KPNB1: variants seen among roughly 807,000 people sequenced by gnomAD.
The protein encoded by KPNB1 is karyopherin subunit beta 1, also known as importin subunit beta-1.
Under a neutral mutation model 113.0 loss-of-function variants are expected in KPNB1, and 7 were observed. That is an observed-to-expected ratio of 0.06 (90% CI 0.04 to 0.12). The LOEUF (loss-of-function observed/expected upper bound fraction) is 0.12. Ranked by LOEUF, KPNB1 falls within the 10% of genes least tolerant of loss-of-function variation. The pLI, the probability that KPNB1 is intolerant of heterozygous loss-of-function variation, is 1.00. For missense variants in KPNB1, 400 were observed against 1,054.8 expected (o/e 0.38, Z 8.60); for synonymous variants, 363 against 378.6 (o/e 0.96, Z 0.48).
In KPNB1 at chr17:47,684,401, G is replaced by A. The variant is rs533951545; in HGVS notation, c.*1997G>A. The A allele has an allele frequency of 6.6e-6, 1 of 151,810 alleles. No homozygotes were observed. The highest frequency in any genetic ancestry group is 1.9e-4 in the East Asian group (1 of 5,172). The allele number at this position is 151,810 out of a possible 1,614,324, so 9.4% of individuals were successfully genotyped here. On this transcript the variant is annotated 3_prime_UTR_variant, in exon 22 of 22. Transcript: ENST00000290158. Reference sequence around the variant, plus strand: ...GGAGAGACGCTCCATTGTGAATAAAGAGCTCATACCAGCTCCTAAGCCCTA... The same window carrying A: ...GGAGAGACGCTCCATTGTGAATAAAAAGCTCATACCAGCTCCTAAGCCCTA...
At chr17:47,656,079 C>T (rs974345048) in intron 3 of KPNB1, among the ~76,000 whole-genome samples, 2 of 151,946 alleles carry the variant, frequency 1.3e-5, no homozygotes, top group African/African-American at 4.8e-5. Context: ...CATGGTGAAA[C>T]CCCATCTCTA....
intron 20 of KPNB1, 40 bp downstream of exon 20, chr17:47,680,174 T>A (rs1201055489): frequency 4.5e-6 from 6 of 1,342,618 alleles, no homozygotes; most frequent in Non-Finnish European, 6.4e-6. Context: ...ATAGAACTTC[T>A]CACAGAAAAT....
In KPNB1 at chr17:47,658,680, G is replaced by A. The variant is rs2029980955; in HGVS notation, c.636+20G>A. The A allele has an allele frequency of 1.9e-6, 3 of 1,605,772 alleles. No individual in the cohort carries two copies. The highest frequency in any genetic ancestry group is 2.2e-5 in the East Asian group (1 of 44,790). ...AAAGAGGTAAGTTTTTTGACAATAA[G>A]GTATAGATTCAGACAGTAAGGGATG... On this transcript the variant is annotated intron_variant, in intron 5 of 21. Transcript: ENST00000290158.
intron 9 of KPNB1, among the ~76,000 whole-genome samples, chr17:47,667,956 A>G (rs188803363): frequency 1.5e-3 from 226 of 152,150 alleles, no homozygotes; most frequent in African/African-American, 5.2e-3. Context: ...TGTAGTTGAA[A>G]TTTTTTCATT....
chr17:47,664,127 T>G, intron 7 of KPNB1, 32 bp from the exon 8 acceptor site: 3 of 1,422,386 alleles, frequency 2.1e-6, no homozygotes, highest in Non-Finnish European at 3.0e-6. Context: ...AATCAGTACT[T>G]ATTTGGGGCC....
chr17:47,672,057 G>A (rs938151229), intron 12 of KPNB1, among the ~76,000 whole-genome samples: 1 of 151,146 alleles, frequency 6.6e-6, no homozygotes, highest in Non-Finnish European at 1.5e-5. Flanking sequence ...TGTCACCCAG[G>A]CTAGAGTGCA....
At chr17:47,667,190 G>A (rs2030314021) in intron 9 of KPNB1, among the ~76,000 whole-genome samples, 1 of 151,922 alleles carries the variant, frequency 6.6e-6, no homozygotes, top group Non-Finnish European at 1.5e-5. Flanking sequence ...CAGTGGGGCG[G>A]TCTTGGCTCA....
chr17:47,682,269 G>A, intron 21 of KPNB1, 135 bp from the exon 22 acceptor site: 5 of 724,610 alleles, frequency 6.9e-6, no homozygotes, highest in South Asian at 4.7e-5. Flanking sequence ...AGGACAAGAA[G>A]AAAGAGTGTC....
chr17:47,678,476 T>A, intron 19 of KPNB1, 63 bp downstream of exon 19: 1 of 1,137,478 alleles, frequency 8.8e-7, no homozygotes, highest in Non-Finnish European at 1.3e-6. Flanking sequence ...AAGTGGGCTA[T>A]GTCTGTCATT....
intron 5 of KPNB1, among the ~76,000 whole-genome samples, chr17:47,660,320 A>G (rs1041414819): frequency 2.6e-5 from 4 of 152,184 alleles, no homozygotes; most frequent in African/African-American, 9.7e-5. Context: ...ATATTCCATT[A>G]TATGTATATG....
At chr17:47,654,021 C>T (rs550969784) in intron 3 of KPNB1, among the ~76,000 whole-genome samples, 20 of 152,266 alleles carry the variant, frequency 1.3e-4, no homozygotes, top group African/African-American at 4.3e-4. Flanking sequence ...TTCTCATCTT[C>T]CTTAATTTAC....
intron 21 of KPNB1, among the ~76,000 whole-genome samples, chr17:47,681,399 C>G (rs1192525704): frequency 6.6e-6 from 1 of 151,758 alleles, no homozygotes; most frequent in East Asian, 1.9e-4. Flanking sequence ...TCCTGAGTAG[C>G]TAGGATTACA....
Position 47,684,426 on chromosome 17 carries a change from A to G in KPNB1, c.*2022A>G, listed in dbSNP as rs978037432. 2 of 151,984 alleles carry G rather than the reference A, an allele frequency of 1.3e-5. No homozygotes were observed. The highest frequency in any genetic ancestry group is 4.8e-5 in the African/African-American group (2 of 41,364). 9.4% of individuals were successfully genotyped at this position (151,984 alleles called of 1,614,324 possible). On this transcript the variant is annotated 3_prime_UTR_variant, in exon 22 of 22. Coordinates refer to ENST00000290158, the MANE Select transcript of KPNB1 (RefSeq NM_002265.6). ...GAGCTCATACCAGCTCCTAAGCCCT[A>G]TTAAGAAGAGGCCTGGTCCTCTAAT...
intron 17 of KPNB1, among the ~76,000 whole-genome samples, 183 bp from the exon 18 acceptor site, chr17:47,677,863 A>T (rs746831859): frequency 6.6e-6 from 1 of 152,226 alleles, no homozygotes; most frequent in Non-Finnish European, 1.5e-5. Context: ...TAAAGTGGGA[A>T]TACCAATACC....
intron 7 of KPNB1, among the ~76,000 whole-genome samples, 157 bp from the exon 8 acceptor site, chr17:47,664,002 A>G (rs981957255): frequency 1.3e-5 from 2 of 151,974 alleles, no homozygotes; most frequent in African/African-American, 2.4e-5. Flanking sequence ...AAAAAAAAGA[A>G]AAGAAAATCT....
intron 17 of KPNB1, 122 bp downstream of exon 17, chr17:47,677,249 G>A (rs867013773): frequency 2.6e-5 from 20 of 757,950 alleles, no homozygotes; most frequent in South Asian, 1.0e-4. Flanking sequence ...TTGGGAGGCC[G>A]AGGCAGGCCA....
rs1388201991 is a variant in KPNB1 at position 47,683,114 on chromosome 17, A to C, written c.*710A>C. 6.8e-6 allele frequency: 1 copy of C among 147,684 alleles called. No homozygotes were observed. 9.1% of individuals were successfully genotyped at this position (147,684 alleles called of 1,614,324 possible). ...GTAAAAAAAAAAAAAAAAAAAAAAAAAAAAACACACACACAGAGGAAAGAC... is the reference window on the plus strand; with the variant it reads ...GTAAAAAAAAAAAAAAAAAAAAAAACAAAAACACACACACAGAGGAAAGAC... On this transcript the variant is annotated 3_prime_UTR_variant, in exon 22 of 22. Transcript: ENST00000290158.
chr17:47,650,602 C>T (rs561813903), intron 2 of KPNB1, among the ~76,000 whole-genome samples, 158 bp downstream of exon 2: 1 of 151,240 alleles, frequency 6.6e-6, no homozygotes, highest in East Asian at 2.0e-4. Context: ...CAACCTAACC[C>T]CGCCATCGGG....
chr17:47,675,387 T>TTTTTTTTTTTTTTTTTTA lies in KPNB1; in HGVS notation c.1912+606_1912+607insTTTTTTTTTTTTTTTTAT, dbSNP rs1790136117. 1.9e-5 allele frequency among the ~76,000 whole-genome samples: 2 copies of TTTTTTTTTTTTTTTTTTA among 106,468 alleles called. 1 individual carries two copies. Among genetic ancestry groups the TTTTTTTTTTTTTTTTTTA allele is most frequent in the African/African-American group, 8.7e-5 (2 of 22,934 alleles). 69.8% of individuals were successfully genotyped at this position (106,468 alleles called of 152,430 possible). ...TTTTTTTTTTGTTTTTTTTTTTTGTTTGTTTTTTTTTTGAGACTTGTTCTG... is the reference window on the plus strand; with the variant it reads ...TTTTTTTTTTGTTTTTTTTTTTTGTTTTTTTTTTTTTTTTTTTATGTTTTTTTTTTGAGACTTGTTCTG... On this transcript the variant is annotated intron_variant, in intron 15 of 21. Transcript: ENST00000290158.
Sources: allele counts gnomAD v4.1 joint callset (sites outside exome capture counted in the v4.1 genomes callset), GRCh38; gene constraint gnomAD v4.1.1; transcripts MANE v1.5; gene names NCBI Gene and HGNC (gene_info 2026-07-23, HGNC 2026-07-21).